The following PPP1R3F variants were observed in gnomAD, a reference collection of about 807,000 sequenced individuals.
The protein encoded by PPP1R3F is protein phosphatase 1, regulatory (inhibitor) subunit 3F.
In PPP1R3F, 29 loss-of-function variants were observed where a neutral mutation model predicts 24.2. That is an observed-to-expected ratio of 1.20 (90% CI 0.89 to 1.63). PPP1R3F has a LOEUF of 1.63. Ranked by LOEUF, PPP1R3F falls within the 40% of genes most tolerant of loss-of-function variation. The probability of loss-of-function intolerance (pLI) is 0.00; values close to 1 mark genes in which losing one functional copy is unlikely to be tolerated. For synonymous variants in PPP1R3F, 363 were observed against 340.1 expected, an observed-to-expected ratio of 1.07 and a Z score of -0.74; for missense variants, 823 against 729.3, an observed-to-expected ratio of 1.13 and a Z score of -1.48.
chrX:49,287,717 G>A lies in PPP1R3F; in HGVS notation c.*627G>A, dbSNP rs782221753. On this transcript the variant is annotated 3_prime_UTR_variant, in exon 4 of 4. Coordinates refer to ENST00000055335, the MANE Select transcript of PPP1R3F (RefSeq NM_033215.5). Reference sequence around the variant, plus strand: ...TTGTCTTTTCCACATTCTGCCTGTGGGACCCTACAGGTGTGTATTTGGATG... The same window carrying A: ...TTGTCTTTTCCACATTCTGCCTGTGAGACCCTACAGGTGTGTATTTGGATG... 1 of 111,550 alleles carries A rather than the reference G, an allele frequency of 9.0e-6. No individual in the cohort carries two copies. Among genetic ancestry groups the A allele is most frequent in the East Asian group, 2.8e-4 (1 of 3,553 alleles). The allele number at this position is 111,550 out of a possible 1,213,427, so 9.2% of individuals were successfully genotyped here.
intron 1 of PPP1R3F, among the ~76,000 whole-genome samples, chrX:49,279,237 C>CA (rs1290496919): frequency 9.0e-6 from 1 of 110,667 alleles, no homozygotes; most frequent in African/African-American, 3.3e-5. Context: ...AAACAAAATA[C>CA]AAAAAAACAA....
intron 1 of PPP1R3F, chrX:49,274,639 A>G (rs2066201318): frequency 8.9e-6 from 1 of 112,001 alleles, no homozygotes; most frequent in Non-Finnish European, 1.9e-5. Flanking sequence ...TTTGTTAGAG[A>G]ATGTCCCATG....
intron 3 of PPP1R3F, among the ~76,000 whole-genome samples, chrX:49,295,177 C>G (rs782465387): frequency 2.6e-4 from 29 of 110,950 alleles, no homozygotes; most frequent in African/African-American, 9.5e-4. Flanking sequence ...GAGACAGAGT[C>G]TCTCTGTCAC....
intron 1 of PPP1R3F, chrX:49,280,927 T>C (rs79107836): frequency 0.011 from 1,252 of 113,405 alleles, 23 homozygotes; most frequent in East Asian, 0.092. Flanking sequence ...TCGATAAAAC[T>C]ATGCCCAATG....
At chrX:49,293,282 T>C (rs2066314078) in intron 3 of PPP1R3F, among the ~76,000 whole-genome samples, 1 of 112,569 alleles carries the variant, frequency 8.9e-6, no homozygotes, top group Non-Finnish European at 1.9e-5. Flanking sequence ...ACGACTCACC[T>C]GATGTGATTT....
chrX:49,292,235 G>T (rs1557122447), downstream of PPP1R3F, among the ~76,000 whole-genome samples: 1 of 111,751 alleles, frequency 8.9e-6, no homozygotes, highest in African/African-American at 3.3e-5. Flanking sequence ...CGAGGGCCTG[G>T]CTTTTACTGT....
downstream of PPP1R3F, among the ~76,000 whole-genome samples, chrX:49,291,292 C>CTG (rs2066307676): frequency 1.6e-5 from 1 of 63,372 alleles, no homozygotes; most frequent in Non-Finnish European, 2.9e-5. Flanking sequence ...CTACTTTTCT[C>CTG]TCTCTCTCTC....
At chrX:49,285,340 C>T (rs1017506215) in intron 3 of PPP1R3F, among the ~76,000 whole-genome samples, 15 of 110,617 alleles carry the variant, frequency 1.4e-4, no homozygotes, top group Non-Finnish European at 2.5e-4. Context: ...AGATTACAGG[C>T]GCACAACACC....
At chrX:49,281,866 C>T in intron 2 of PPP1R3F, 115 bp from the exon 3 acceptor site, 1 of 532,542 alleles carries the variant, frequency 1.9e-6, no homozygotes, top group Non-Finnish European at 3.2e-6. Context: ...TTTAGATTGT[C>T]ACAGAAAGCT....
chrX:49,288,183 T>C (rs2066298615), downstream of PPP1R3F: 2 of 112,705 alleles, frequency 1.8e-5, no homozygotes, highest in African/African-American at 3.2e-5. Context: ...TATGATGCCT[T>C]TCTGAAATAG....
intron 3 of PPP1R3F, among the ~76,000 whole-genome samples, chrX:49,298,766 C>G (rs1308134613): frequency 1.8e-5 from 2 of 110,661 alleles, no homozygotes; most frequent in Non-Finnish European, 3.8e-5. Flanking sequence ...TCTTCAGTCT[C>G]TGATATCCTT....
intron 3 of PPP1R3F, among the ~76,000 whole-genome samples, chrX:49,282,830 A>G (rs902551693): frequency 2.7e-5 from 3 of 109,541 alleles, no homozygotes; most frequent in East Asian, 5.7e-4. Flanking sequence ...CCGCAAGAGC[A>G]TTGTGGACGG....
In PPP1R3F at chrX:49,299,759, C is replaced by T. The variant is rs868935857; in HGVS notation, c.393-1592C>T. Among the ~76,000 whole-genome samples, 4 of 111,825 alleles carry T rather than the reference C, an allele frequency of 3.6e-5. No homozygotes were observed. In the East Asian group the frequency reaches 1.1e-3, roughly 31 times the overall value. ...GTCTGGCTACAGCGGGTTTGCCAAG[C>T]GGCCGTGGGCTCTGCCCAGTTTGAA... On this transcript the variant is annotated intron_variant, in intron 3 of 3. Transcript: ENST00000471261.
intron 3 of PPP1R3F, among the ~76,000 whole-genome samples, chrX:49,300,267 G>A (rs1557123210): frequency 1.8e-5 from 2 of 110,205 alleles, no homozygotes; most frequent in Non-Finnish European, 3.8e-5. Context: ...AGGGGAAGGA[G>A]TTCCCCGACC....
chrX:49,273,621 AC>A (rs1455709447), intron 1 of PPP1R3F: 3 of 112,081 alleles, frequency 2.7e-5, no homozygotes, highest in African/African-American at 9.8e-5. Flanking sequence ...TTGTTTTAGA[AC>A]CTGTGTGCTG....
Position 49,269,900 on chromosome X carries a change from C to G in PPP1R3F, c.31C>G (p.Leu11Val). The change falls in exon 1 of 4, where the codon CTG (leucine) becomes GTG (valine). Residue 11 changes from leucine (L) to valine (V), a missense_variant. Leu to Val is a conservative substitution (Grantham distance 32). Transcript: ENST00000055335. ...GCGTACGGCCCCTGTGGAGCCCCCGCTGCGGCATTCCGCGCCCCCCTCGCC... is the reference window on the plus strand; with the variant it reads ...GCGTACGGCCCCTGTGGAGCCCCCGGTGCGGCATTCCGCGCCCCCCTCGCC... MARTAPVEPP[L>V]RHSAPPSPAA... The G allele has an allele frequency of 1.1e-6, 1 of 906,062 alleles. No individual in the cohort carries two copies. Among genetic ancestry groups the G allele is most frequent in the Non-Finnish European group, 1.4e-6 (1 of 735,586 alleles). The allele number at this position is 906,062 out of a possible 1,213,427, so 74.7% of individuals were successfully genotyped here. A position where few individuals can be genotyped will look rare whatever the true frequency, so the allele number is the denominator to read the frequency against.
At position 49,281,413 on chromosome X, in the gene PPP1R3F, G is replaced by A. The variant is rs782398553; in HGVS notation, c.1012G>A (p.Glu338Lys). 174 of 1,206,060 alleles carry A rather than the reference G, an allele frequency of 1.4e-4. No individual in the cohort carries two copies. The highest frequency in any genetic ancestry group is 1.7e-4 in the Non-Finnish European group (156 of 892,131). ...CMKPVRRRPA[E>K]EELKTKNMDD... Reference sequence around the variant, plus strand: ...CTCTCCTCTGCCCTGCAGGCCTGCCGAGGAGGAACTGAAGACGAAGAACAT... The same window carrying A: ...CTCTCCTCTGCCCTGCAGGCCTGCCAAGGAGGAACTGAAGACGAAGAACAT... Residue 338 changes from glutamate (E) to lysine (K), a missense_variant, in exon 2 of 4, where the codon GAG (glutamate) becomes AAG (lysine). Glu to Lys is a moderately conservative substitution (Grantham distance 56, BLOSUM62 1). Coordinates refer to ENST00000055335, the MANE Select transcript of PPP1R3F (RefSeq NM_033215.5).
chrX:49,291,288 TTCTCTCTCTC>T (rs781932322), downstream of PPP1R3F, among the ~76,000 whole-genome samples: 238 of 50,610 alleles, frequency 4.7e-3, 1 homozygote, highest in African/African-American at 0.013. Flanking sequence ...CAGCCTACTT[TTCTCTCTCTC>T]TCTCTCTCTC....
intron 1 of PPP1R3F, chrX:49,273,905 A>G (rs1309751726): frequency 8.9e-6 from 1 of 112,278 alleles, no homozygotes; most frequent in African/African-American, 3.2e-5. Context: ...TGGTAACTCT[A>G]AAGCTTAGAG....
Sources: gnomAD v4.1 joint callset for allele counts (sites outside exome capture counted in the v4.1 genomes callset) on GRCh38, gnomAD v4.1.1 for gene constraint, MANE v1.5 for transcripts, NCBI Gene and HGNC (gene_info 2026-07-23, HGNC 2026-07-21) for gene names.